SMS: variants seen among roughly 807,000 people sequenced by gnomAD.
SMS encodes the protein spermidine aminopropyltransferase.
A neutral mutation model predicts 33.0 loss-of-function variants in SMS; 3 were observed. That is an observed-to-expected ratio of 0.09 (90% confidence interval 0.04 to 0.23). The LOEUF (loss-of-function observed/expected upper bound fraction) is 0.23, where lower values mean the gene tolerates loss of function less well. Among genes scored for constraint, SMS ranks in the 10% least tolerant of loss-of-function variants. The pLI is 1.00. For missense variants in SMS, 117 were observed against 288.6 expected, an observed-to-expected ratio of 0.41 and a Z score of 4.31; for synonymous variants, 103 against 112.2, an observed-to-expected ratio of 0.92 and a Z score of 0.52.
chrX:21,945,634 T>C (rs866653794), intron 1 of SMS, among the ~76,000 whole-genome samples: 376 of 34,045 alleles, frequency 0.011, 1 homozygote, highest in Admixed American at 0.017. Context: ...TTGCTTCCCG[T>C]CCCCCCCCCC....
chrX:21,942,017 C>T (rs916138109), intron 1 of SMS, among the ~76,000 whole-genome samples: 5 of 106,312 alleles, frequency 4.7e-5, no homozygotes, highest in African/African-American at 1.4e-4. Flanking sequence ...CTCGGGGTGC[C>T]TCTGTCGTGG....
At chrX:21,964,893 T>G (rs1923594673) in intron 1 of SMS, among the ~76,000 whole-genome samples, 1 of 112,075 alleles carries the variant, frequency 8.9e-6, no homozygotes, top group African/African-American at 3.3e-5. Flanking sequence ...ATGTATTCTC[T>G]CACAGCTCTG....
intron 1 of SMS, among the ~76,000 whole-genome samples, chrX:21,946,150 T>G (rs752896027): frequency 8.9e-6 from 1 of 112,301 alleles, no homozygotes; most frequent in Non-Finnish European, 1.9e-5. Context: ...GTCTGTGTGT[T>G]TTTTTCCATT....
chrX:21,984,555 A>G, intron 8 of SMS, 137 bp downstream of exon 8: 1 of 505,976 alleles, frequency 2.0e-6, no homozygotes, highest in Non-Finnish European at 3.5e-6. Context: ...TGGTGGAAAG[A>G]TGACTGGATT....
chrX:21,946,907 G>A (rs1922276654), intron 1 of SMS, among the ~76,000 whole-genome samples: 1 of 111,428 alleles, frequency 9.0e-6, no homozygotes, highest in African/African-American at 3.3e-5. Context: ...AGGGAAGGAG[G>A]ATGGGCCCTG....
chrX:21,984,240 A>G (rs534349642), intron 7 of SMS, 64 bp from the exon 8 acceptor site: 2 of 725,994 alleles, frequency 2.8e-6, no homozygotes, highest in East Asian at 3.2e-5. Flanking sequence ...TTCCTTTACT[A>G]TTGTTTTTTG....
At chrX:21,941,790 C>T (rs1921801919) in intron 1 of SMS, among the ~76,000 whole-genome samples, 1 of 101,544 alleles carries the variant, frequency 9.8e-6, no homozygotes, top group Non-Finnish European at 2.0e-5. Context: ...GAGGCTGAGG[C>T]AGGACAATCG....
chrX:21,978,191 T>A, intron 6 of SMS, 77 bp downstream of exon 6: 1 of 992,735 alleles, frequency 1.0e-6, no homozygotes, highest in Non-Finnish European at 1.4e-6. Flanking sequence ...CAACTCAAAT[T>A]AATGTTACCA....
intron 7 of SMS, among the ~76,000 whole-genome samples, chrX:21,981,164 T>A (rs1924912573): frequency 9.1e-6 from 1 of 110,387 alleles, no homozygotes; most frequent in Non-Finnish European, 1.9e-5. Context: ...CTACTAAAAA[T>A]ACAAAAATTA....
At chrX:21,983,661 A>C (rs780988795) in intron 7 of SMS, among the ~76,000 whole-genome samples, 2 of 111,541 alleles carry the variant, frequency 1.8e-5, no homozygotes, top group South Asian at 7.4e-4. Context: ...GAGAAATAAC[A>C]TGTTAATAGT....
chrX:21,948,865 G>A (rs922098771), intron 1 of SMS, among the ~76,000 whole-genome samples: 17 of 112,040 alleles, frequency 1.5e-4, no homozygotes, highest in African/African-American at 3.9e-4. Context: ...CTGTGGCTCC[G>A]ACCACCATTT....
intron 1 of SMS, among the ~76,000 whole-genome samples, chrX:21,944,546 GAA>G (rs57596639): frequency 1.5e-5 from 1 of 66,664 alleles, no homozygotes; most frequent in African/African-American, 5.8e-5. Context: ...AAAAAAAAAA[GAA>G]AAAAAATTAG....
At chrX:21,946,675 G>A (rs933258331) in intron 1 of SMS, among the ~76,000 whole-genome samples, 9 of 111,381 alleles carry the variant, frequency 8.1e-5, no homozygotes, top group African/African-American at 2.9e-4. Context: ...AGACAGTTTT[G>A]GTTGTCACAA....
intron 9 of SMS, among the ~76,000 whole-genome samples, chrX:21,992,360 C>G (rs1304894036): frequency 1.8e-5 from 2 of 112,520 alleles, no homozygotes; most frequent in African/African-American, 6.5e-5. Flanking sequence ...TGCTTTCTAT[C>G]ATTTCATATT....
chrX:21,941,884 CAAAAAAAAAAAAAAAAAAAAAAAA>C (rs760394146), intron 1 of SMS, among the ~76,000 whole-genome samples: 8 of 19,569 alleles, frequency 4.1e-4, no homozygotes, highest in South Asian at 9.9e-3. Context: ...GACCCTGTCT[CAAAAAAAAAAAAAAAAAAAAAAAA>C]AAAAAAAAAA....
chrX:21,972,612 G>A, intron 4 of SMS, 41 bp downstream of exon 4: 1 of 987,652 alleles, frequency 1.0e-6, no homozygotes, highest in Non-Finnish European at 1.4e-6. Context: ...TTAATCGATT[G>A]AAACAATCAT....
rs746297985 is a variant in SMS, at chrX:21,972,561, C to T, written c.319C>T (p.Arg107Trp). ...AGAATTGAGTCAGGACAGTACTGGG[C>T]GGGTGAAACGGTAAGTCCACTCTTG... ...MKELSQDSTG[R>W]VKRLPPIVRG... Residue 107 changes from arginine to tryptophan, a missense_variant, in exon 4 of 11, where the codon CGG becomes TGG. Physicochemically the swap from Arg to Trp is moderately radical, Grantham distance 101. Transcript: ENST00000404933. The T allele has an allele frequency of 3.4e-6, 4 of 1,162,816 alleles. No homozygotes were observed. In the South Asian group the frequency reaches 5.4e-5, roughly 16 times the overall value.
At chrX:21,974,140 C>G (rs774047778) in intron 4 of SMS, among the ~76,000 whole-genome samples, 2 of 112,314 alleles carry the variant, frequency 1.8e-5, no homozygotes, top group East Asian at 2.8e-4. Context: ...ATGGCACTTT[C>G]CAGAAGAAGG....
intron 2 of SMS, among the ~76,000 whole-genome samples, chrX:21,971,166 A>C (rs999313129): frequency 4.5e-5 from 5 of 109,989 alleles, no homozygotes; most frequent in Admixed American, 9.6e-5. Context: ...ACTGCACTCC[A>C]GCCTGGGCAA....
Sources: gnomAD v4.1 joint callset for allele counts (sites outside exome capture counted in the v4.1 genomes callset) on GRCh38, gnomAD v4.1.1 for gene constraint, MANE v1.5 for transcripts, NCBI Gene and HGNC (gene_info 2026-07-23, HGNC 2026-07-21) for gene names.